The following ADAM18 variants were observed in gnomAD, a reference collection of about 807,000 sequenced individuals.
The protein encoded by ADAM18 is ADAM metallopeptidase domain 18, also known as disintegrin and metalloproteinase domain-containing protein 18.
A neutral mutation model predicts 94.4 loss-of-function variants in ADAM18; 117 were observed. That is an observed-to-expected ratio of 1.24 (90% confidence interval 1.07 to 1.45). ADAM18 has a LOEUF of 1.45. Among genes scored for constraint, ADAM18 ranks in the 40% most tolerant of loss-of-function variants. The pLI, the probability that ADAM18 is intolerant of heterozygous loss-of-function variation, is 0.00. For synonymous variants in ADAM18, 327 were observed against 291.6 expected, an observed-to-expected ratio of 1.12 and a Z score of -1.24; for missense variants, 936 against 880.0, an observed-to-expected ratio of 1.06 and a Z score of -0.81.
rs779976450 is a variant in ADAM18, at chr8:39,677,451, G to A, written c.1546G>A (p.Ala516Thr). ...FGKGAQGAPF[A>T]CFKEVNSLHE... Reference sequence around the variant, plus strand: ...TTAAGGTGCTCAAGGTGCTCCATTTGCCTGTTTTAAAGAAGTTAATTCTCT... The same window carrying A: ...TTAAGGTGCTCAAGGTGCTCCATTTACCTGTTTTAAAGAAGTTAATTCTCT... The change falls in exon 15 of 20, where the codon GCC (alanine) becomes ACC (threonine). Residue 516 changes from alanine (A) to threonine (T), a missense_variant. Coordinates refer to ENST00000265707, the MANE Select transcript of ADAM18 (RefSeq NM_014237.3). The A allele has an allele frequency of 6.2e-7, 1 of 1,607,818 alleles. No individual in the cohort carries two copies. The highest frequency in any genetic ancestry group is 8.5e-7 in the Non-Finnish European group (1 of 1,178,694).
intron 12 of ADAM18, among the ~76,000 whole-genome samples, chr8:39,661,319 ATTTTT>A (rs71518171): frequency 2.3e-3 from 258 of 112,798 alleles, no homozygotes; most frequent in South Asian, 5.4e-3. Context: ...CACCCGGCAA[ATTTTT>A]TTTTTTTTTT....
At chr8:39,676,214 T>TTGTC (rs1296276387) in intron 14 of ADAM18, among the ~76,000 whole-genome samples, 1 of 152,196 alleles carries the variant, frequency 6.6e-6, no homozygotes, top group African/African-American at 2.4e-5. Context: ...TCTGCAGAAG[T>TTGTC]TGTCTGCTGT....
chr8:39,688,652 A>G (rs1372531083), intron 16 of ADAM18, among the ~76,000 whole-genome samples: 1 of 152,132 alleles, frequency 6.6e-6, no homozygotes, highest in Non-Finnish European at 1.5e-5. Flanking sequence ...ATTTAAGTTG[A>G]TGCCATGTCT....
chr8:39,711,074 G>A (rs1822381757), intron 18 of ADAM18, among the ~76,000 whole-genome samples: 2 of 152,016 alleles, frequency 1.3e-5, no homozygotes, highest in Non-Finnish European at 2.9e-5. Flanking sequence ...TTGTTTTTTG[G>A]CTATGTACTT....
intron 18 of ADAM18, among the ~76,000 whole-genome samples, chr8:39,715,073 C>T (rs772561309): frequency 6.6e-6 from 1 of 151,988 alleles, no homozygotes; most frequent in Non-Finnish European, 1.5e-5. Flanking sequence ...AGATCAAATT[C>T]TTTGTCTTAC....
At chr8:39,641,557 C>T (rs144974080) in intron 10 of ADAM18, among the ~76,000 whole-genome samples, 312 of 151,888 alleles carry the variant, frequency 2.1e-3, no homozygotes, top group South Asian at 0.012. Flanking sequence ...GTGTTCTAGG[C>T]GTCCATATGT....
chr8:39,641,087 G>A (rs1820224452), intron 10 of ADAM18, among the ~76,000 whole-genome samples: 1 of 152,044 alleles, frequency 6.6e-6, no homozygotes, highest in Non-Finnish European at 1.5e-5. Context: ...CATTGCCCAT[G>A]TCTATGTCCC....
intron 18 of ADAM18, among the ~76,000 whole-genome samples, chr8:39,722,373 A>T (rs1356493825): frequency 6.6e-6 from 1 of 150,762 alleles, no homozygotes; most frequent in African/African-American, 2.4e-5. Flanking sequence ...TGTCTTTTGC[A>T]GCAACATGGA....
rs1017073184 is a variant in ADAM18, at chr8:39,688,094, A to G, written c.1822-4506A>G. On this transcript the variant is annotated intron_variant, in intron 16 of 19. Coordinates refer to ENST00000265707, the MANE Select transcript of ADAM18 (RefSeq NM_014237.3). ...TAATTTACATTTCCACCAGCAGTTA[A>G]TAAATGTTGCCATTTCTCTGCAGCC... Among the ~76,000 whole-genome samples the G allele has an allele frequency of 2.6e-5, 4 of 152,186 alleles. No homozygotes were observed. The South Asian group carries it at 8.3e-4, about 32-fold the overall frequency.
At chr8:39,652,999 A>C (rs1457196866) in intron 12 of ADAM18, among the ~76,000 whole-genome samples, 1 of 152,182 alleles carries the variant, frequency 6.6e-6, no homozygotes, top group East Asian at 1.9e-4. Context: ...AGCAAGGAGT[A>C]AAATGGTGCT....
At chr8:39,684,425 T>C (rs898253764) in intron 16 of ADAM18, among the ~76,000 whole-genome samples, 7 of 152,232 alleles carry the variant, frequency 4.6e-5, no homozygotes, top group African/African-American at 1.7e-4. Flanking sequence ...AGGAATTACT[T>C]TTCTTGGATA....
Position 39,648,471 on chromosome 8 carries a change from GT to G in ADAM18, c.1175del (p.Val392GlyfsTer34). On this transcript the variant is annotated frameshift_variant, in exon 12 of 20. Coordinates refer to ENST00000265707, the MANE Select transcript of ADAM18 (RefSeq NM_014237.3). LOFTEE classifies it high-confidence loss of function. ...NLQPLHQNQP[V>X]CGNGILESNE... ...GCAACCATTACATCAAAATCAACCA[GT>G]GTGTGGTAATGGGATTTTGGAATCC... 1 of 1,612,950 alleles carries G rather than the reference GT, an allele frequency of 6.2e-7. No individual in the cohort carries two copies. The highest frequency in any genetic ancestry group is 1.1e-5 in the South Asian group (1 of 90,854).
rs1821045569 is a variant in ADAM18 at position 39,668,172 on chromosome 8, C to T, written c.1501C>T (p.Gln501Ter). The T allele has an allele frequency of 6.2e-7, 1 of 1,614,030 alleles. No homozygotes were observed. Among genetic ancestry groups the T allele is most frequent in the East Asian group, 2.2e-5 (1 of 44,870 alleles). ...CGGACAATGTCAAACTACTGATAAC[C>T]AGTGTGCCAAGATATTTGGAAAAGG... ...YNGQCQTTDN[Q>*]CAKIFGKGAQ... The change falls in exon 14 of 20, where the codon CAG becomes TAG. Residue 501 changes from glutamine to a stop codon, truncating the protein, a stop_gained. Transcript: ENST00000265707. LOFTEE classifies it high-confidence loss of function.
intron 2 of ADAM18, among the ~76,000 whole-genome samples, chr8:39,594,289 CTAAAG>C (rs563777898): frequency 6.6e-6 from 1 of 152,012 alleles, no homozygotes; most frequent in Non-Finnish European, 1.5e-5. Flanking sequence ...TATAAATGGG[CTAAAG>C]TAAAGGAACA....
chr8:39,642,496 A>G (rs1329256099), intron 10 of ADAM18, among the ~76,000 whole-genome samples: 4 of 151,810 alleles, frequency 2.6e-5, no homozygotes, highest in Admixed American at 1.3e-4. Context: ...TCTCAGCATC[A>G]TTTATTAAAT....
chr8:39,651,461 G>C (rs548072589), intron 12 of ADAM18, among the ~76,000 whole-genome samples: 1 of 152,184 alleles, frequency 6.6e-6, no homozygotes. Context: ...AGGTCCCTGC[G>C]GCCTTCCGCA....
chr8:39,708,733 A>T (rs1261747886), intron 18 of ADAM18, among the ~76,000 whole-genome samples: 1 of 152,216 alleles, frequency 6.6e-6, no homozygotes, highest in African/African-American at 2.4e-5. Flanking sequence ...CACTGGAACC[A>T]GCTGGCTGCT....
At chr8:39,661,918 T>G (rs1054600200) in intron 12 of ADAM18, among the ~76,000 whole-genome samples, 2 of 149,924 alleles carry the variant, frequency 1.3e-5, no homozygotes, top group African/African-American at 4.9e-5. Context: ...TGTTACAAAT[T>G]AGGCTTATTT....
intron 10 of ADAM18, among the ~76,000 whole-genome samples, chr8:39,641,679 G>A (rs7016021): frequency 1.3e-5 from 2 of 151,984 alleles, no homozygotes; most frequent in East Asian, 1.9e-4. Flanking sequence ...GATAGTGACC[G>A]CTAGCTCCAT....
Sources: gnomAD v4.1 joint callset for allele counts (sites outside exome capture counted in the v4.1 genomes callset) on GRCh38, gnomAD v4.1.1 for gene constraint, MANE v1.5 for transcripts, NCBI Gene and HGNC (gene_info 2026-07-23, HGNC 2026-07-21) for gene names.